Variants in EPHA5 observed in about 807,000 individuals in gnomAD.
EPHA5 encodes EPH receptor A5, also known as ephrin type-A receptor 5.
EPHA5 carries 60 observed loss-of-function variants against 105.0 expected under a neutral mutation model. The ratio of observed to expected loss-of-function variants is 0.57; its 90% confidence interval spans 0.46 to 0.71. The LOEUF is 0.71. Ranked by LOEUF, EPHA5 falls within the 30% of genes least tolerant of loss-of-function variation. The pLI, the probability that EPHA5 is intolerant of heterozygous loss-of-function variation, is 0.00. For synonymous variants in EPHA5, 513 were observed against 449.1 expected (o/e 1.14, Z -1.80); for missense variants, 1,218 against 1,274.7 (o/e 0.96, Z 0.68).
At chr4:65,529,106 C>G (rs1464270067) in intron 3 of EPHA5, among the ~76,000 whole-genome samples, 2 of 152,056 alleles carry the variant, frequency 1.3e-5, no homozygotes, top group Non-Finnish European at 2.9e-5. Context: ...AATAAATTTT[C>G]TTTTAAAACA....
intron 5 of EPHA5, among the ~76,000 whole-genome samples, chr4:65,447,316 T>C (rs1406579887): frequency 1.3e-5 from 2 of 152,060 alleles, no homozygotes; most frequent in Admixed American, 1.3e-4. Flanking sequence ...CACATACCCC[T>C]GCAAAATAAT....
chr4:65,395,017 G>A (rs892095117), intron 8 of EPHA5, among the ~76,000 whole-genome samples: 1 of 152,062 alleles, frequency 6.6e-6, no homozygotes, highest in East Asian at 1.9e-4. Flanking sequence ...TTAAATAGCT[G>A]CATTAAAAAC....
intron 3 of EPHA5, among the ~76,000 whole-genome samples, chr4:65,563,160 T>C (rs866785034): frequency 6.6e-6 from 1 of 152,050 alleles, no homozygotes; most frequent in Non-Finnish European, 1.5e-5. Context: ...CATACATAGT[T>C]CTGAGGAGCC....
rs562823957 is a variant in EPHA5 at position 65,616,593 on chromosome 4, C to T, written c.247-14289G>A. Among the ~76,000 whole-genome samples the T allele has an allele frequency of 1.3e-4, 19 of 151,960 alleles. No homozygotes were observed. In the South Asian group the frequency reaches 3.9e-3, roughly 32 times the overall value. On this transcript the variant is annotated intron_variant, in intron 2 of 16. Coordinates refer to ENST00000613740, the MANE Select transcript of EPHA5 (RefSeq NM_001281766.3). ...TTCAGATTTACCTGACTTCAAAGCT[C>T]ATATTTCAACTCACTACACCATGAT...
At chr4:65,478,137 G>A (rs916699671) in intron 5 of EPHA5, among the ~76,000 whole-genome samples, 2 of 152,158 alleles carry the variant, frequency 1.3e-5, no homozygotes, top group African/African-American at 4.8e-5. Flanking sequence ...TGTTGCTGAA[G>A]ACAAATTTCA....
At chr4:65,518,116 C>A (rs1038167033) in intron 3 of EPHA5, among the ~76,000 whole-genome samples, 12 of 151,842 alleles carry the variant, frequency 7.9e-5, no homozygotes, top group African/African-American at 2.9e-4. Flanking sequence ...GTTTGAAGAA[C>A]TAATTATTTC....
chr4:65,646,807 A>G (rs926801459), intron 1 of EPHA5, among the ~76,000 whole-genome samples: 2 of 152,198 alleles, frequency 1.3e-5, no homozygotes, highest in South Asian at 2.1e-4. Flanking sequence ...TTAAAGTAAT[A>G]AAATATTTTA....
intron 6 of EPHA5, among the ~76,000 whole-genome samples, chr4:65,415,900 C>T (rs1723339049): frequency 6.6e-6 from 1 of 151,988 alleles, no homozygotes; most frequent in Admixed American, 6.6e-5. Flanking sequence ...TAAACAGCTT[C>T]TATAAACTAT....
At chr4:65,417,549 C>A (rs1304040084) in intron 6 of EPHA5, among the ~76,000 whole-genome samples, 1 of 151,994 alleles carries the variant, frequency 6.6e-6, no homozygotes, top group Non-Finnish European at 1.5e-5. Context: ...GATTTTTCTG[C>A]TTTTAATGAA....
chr4:65,369,207 A>G (rs1718217515), intron 8 of EPHA5, among the ~76,000 whole-genome samples: 1 of 152,160 alleles, frequency 6.6e-6, no homozygotes, highest in Admixed American at 6.6e-5. Context: ...AGATGTTTTG[A>G]TTATGTCTAC....
rs1191967493 is a variant in EPHA5 at position 65,322,607 on chromosome 4, T to C, written c.*1507A>G. On this transcript the variant is annotated 3_prime_UTR_variant, in exon 17 of 17. Transcript: ENST00000613740. The stretch of plus-strand genomic sequence containing the variant: ...CACTGCATAATTTGTATCACAAATA[T>C]AAGTCTTCATCATGTGTGGTATATA... 4.5e-6 allele frequency: 1 copy of C among 224,616 alleles called. No homozygotes were observed. The highest frequency in any genetic ancestry group is 6.4e-5 in the East Asian group (1 of 15,626). The allele number at this position is 224,616 out of a possible 1,614,324, so 13.9% of individuals were successfully genotyped here. A position where few individuals can be genotyped will look rare whatever the true frequency, so the allele number is the denominator to read the frequency against.
In EPHA5 at chr4:65,365,968, C is replaced by T. The variant is rs36050417; in HGVS notation, c.1951G>A (p.Ala651Thr). ...AVHEFAKEIEASCITIERVIG... is the reference protein window; with the variant it reads ...AVHEFAKEIETSCITIERVIG... ...ACTCTCTCAATGGTGATACATGATG[C>T]TTCTATCTCCTTAGCAAATTCGTGG... is the stretch of plus-strand genomic sequence containing the variant. The change falls in exon 10 of 17, where the codon GCA becomes ACA. Residue 651 changes from alanine (A) to threonine (T), a missense_variant. Physicochemically the swap from Ala to Thr is moderately conservative, Grantham distance 58. Transcript: ENST00000613740. 44,802 of 1,608,624 alleles carry T rather than the reference C, an allele frequency of 0.028. 732 individuals are homozygous for T. Among genetic ancestry groups the T allele is most frequent in the East Asian group, 0.034 (1,535 of 44,700 alleles).
intron 3 of EPHA5, among the ~76,000 whole-genome samples, chr4:65,514,588 G>C (rs555620699): frequency 5.9e-5 from 9 of 152,260 alleles, no homozygotes; most frequent in African/African-American, 1.9e-4. Context: ...GAACAGAAAT[G>C]AGCTTTTCAA....
intron 1 of EPHA5, among the ~76,000 whole-genome samples, chr4:65,650,699 C>G (rs773261497): frequency 4.6e-5 from 7 of 152,096 alleles, no homozygotes; most frequent in Non-Finnish European, 1.0e-4. Context: ...TCTAAATCAC[C>G]TGCTCTGTTT....
At chr4:65,413,021 A>C (rs1031307457) in intron 7 of EPHA5, among the ~76,000 whole-genome samples, 29 of 152,150 alleles carry the variant, frequency 1.9e-4, no homozygotes, top group African/African-American at 6.0e-4. Flanking sequence ...ATTGTACCTA[A>C]ATAGAATCAA....
chr4:65,487,547 A>G lies in EPHA5; in HGVS notation c.1402+2830T>C, dbSNP rs551128346. ...TTAAGACCTTTGATTGGTGTTCAAG[A>G]TATTTTTCAGACACTGCAGCATTCT... On this transcript the variant is annotated intron_variant, in intron 5 of 16. Coordinates refer to ENST00000613740, the MANE Select transcript of EPHA5 (RefSeq NM_001281766.3). 2.6e-3 allele frequency among the ~76,000 whole-genome samples: 401 copies of G among 152,236 alleles called. 2 individuals carry two copies. The highest frequency in any genetic ancestry group is 4.6e-3 in the Non-Finnish European group (311 of 68,022).
At chr4:65,446,328 T>G (rs967269275) in intron 5 of EPHA5, among the ~76,000 whole-genome samples, 29 of 152,336 alleles carry the variant, frequency 1.9e-4, no homozygotes, top group Non-Finnish European at 3.2e-4. Flanking sequence ...AAAAACTTAT[T>G]TGTTCATTTA....
intron 5 of EPHA5, among the ~76,000 whole-genome samples, chr4:65,468,593 AAT>A (rs1728963754): frequency 5.0e-5 from 1 of 19,892 alleles, no homozygotes; most frequent in Non-Finnish European, 1.0e-4. Flanking sequence ...AAATATATAT[AAT>A]ATATATATTA....
At chr4:65,613,653 A>G (rs996188691) in intron 2 of EPHA5, among the ~76,000 whole-genome samples, 2 of 152,144 alleles carry the variant, frequency 1.3e-5, no homozygotes, top group Middle Eastern at 3.4e-3. Context: ...GTAAATGAAC[A>G]GCCATATGTC....
Sources: gnomAD v4.1 joint callset for allele counts (sites outside exome capture counted in the v4.1 genomes callset) on GRCh38, gnomAD v4.1.1 for gene constraint, MANE v1.5 for transcripts, NCBI Gene and HGNC (gene_info 2026-07-23, HGNC 2026-07-21) for gene names.